The following RNF38 variants were observed in gnomAD, a reference collection of about 807,000 sequenced individuals.
RNF38 encodes the protein E3 ubiquitin-protein ligase RNF38.
Under a neutral mutation model 67.2 loss-of-function variants are expected in RNF38, and 15 were observed. That is an observed-to-expected ratio of 0.22 (90% confidence interval 0.15 to 0.34). The LOEUF is 0.34. RNF38 is among the 10% of genes least tolerant of loss of function. The pLI, the probability that RNF38 is intolerant of heterozygous loss-of-function variation, is 1.00. For synonymous variants in RNF38, 220 were observed against 218.8 expected (o/e 1.01, Z -0.05); for missense variants, 524 against 639.9 (o/e 0.82, Z 1.95).
At chr9:36,346,304 C>T (rs1336834643) in intron 9 of RNF38, among the ~76,000 whole-genome samples, 1 of 152,146 alleles carries the variant, frequency 6.6e-6, no homozygotes, top group Non-Finnish European at 1.5e-5. Flanking sequence ...CTCCCAGGTT[C>T]AGGCGATTCT....
At chr9:36,422,868 T>G (rs1479760610) in intron 2 of RNF38, among the ~76,000 whole-genome samples, 1 of 152,104 alleles carries the variant, frequency 6.6e-6, no homozygotes, top group Non-Finnish European at 1.5e-5. Flanking sequence ...AAAAACATTT[T>G]AAGGGGTGAC....
Position 36,338,054 on chromosome 9 carries a change from G to A in RNF38, c.*1698C>T, listed in dbSNP as rs796635772. On this transcript the variant is annotated 3_prime_UTR_variant, in exon 12 of 12. Coordinates refer to ENST00000259605, the MANE Select transcript of RNF38 (RefSeq NM_022781.5). ...AAAACTGACACAGAGCCAACTGAAAGTTGAGTGGGGCTGGCAGCAAGTTAT... is the reference window on the plus strand; with the variant it reads ...AAAACTGACACAGAGCCAACTGAAAATTGAGTGGGGCTGGCAGCAAGTTAT... 8.5e-5 allele frequency: 13 copies of A among 152,790 alleles called. No individual in the cohort carries two copies. Among genetic ancestry groups the A allele is most frequent in the African/African-American group, 2.9e-4 (12 of 41,588 alleles). The allele number at this position is 152,790 out of a possible 1,614,324, so 9.5% of individuals were successfully genotyped here.
rs201816708 is a variant in RNF38, at chr9:36,431,337, A to AG, written n.242-6655dup. ...CTGCCCCTAGAGCACAAACCTGTATAGCACGTTACTGTACTGAATACTGTA... is the reference window on the plus strand; with the variant it reads ...CTGCCCCTAGAGCACAAACCTGTATAGGCACGTTACTGTACTGAATACTGTA... On this transcript the variant is annotated intron_variant and non_coding_transcript_variant, in intron 1 of 3. Transcript: ENST00000488058. Among the ~76,000 whole-genome samples the AG allele has an allele frequency of 8.3e-3, 1,259 of 152,340 alleles. 16 individuals are homozygous for AG. The highest frequency in any genetic ancestry group is 0.029 in the African/African-American group (1,203 of 41,568).
intron 4 of RNF38, among the ~76,000 whole-genome samples, chr9:36,368,503 T>C (rs1835138462): frequency 6.6e-6 from 1 of 152,212 alleles, no homozygotes; most frequent in South Asian, 2.1e-4. Flanking sequence ...CTTTACAAAA[T>C]GGGACTTTGT....
intron 1 of RNF38, among the ~76,000 whole-genome samples, chr9:36,457,690 T>C (rs1363370703): frequency 6.6e-6 from 1 of 152,038 alleles, no homozygotes; most frequent in African/African-American, 2.4e-5. Context: ...GGTGGATCAC[T>C]TGAGGTCGGG....
chr9:36,482,645 G>A (rs1445953847), intron 1 of RNF38, among the ~76,000 whole-genome samples: 7 of 152,148 alleles, frequency 4.6e-5, no homozygotes, highest in Admixed American at 2.6e-4. Context: ...GAGCCACTGC[G>A]CCAGGCTGAC....
At chr9:36,432,110 C>T (rs555842750) in intron 1 of RNF38, among the ~76,000 whole-genome samples, 1 of 151,750 alleles carries the variant, frequency 6.6e-6, no homozygotes, top group Non-Finnish European at 1.5e-5. Flanking sequence ...TCTCCCATGG[C>T]TTAATATTAA....
intron 2 of RNF38, among the ~76,000 whole-genome samples, chr9:36,382,534 A>G (rs1318530058): frequency 2.0e-5 from 3 of 152,254 alleles, no homozygotes; most frequent in Non-Finnish European, 4.4e-5. Flanking sequence ...TATGTAATAT[A>G]TATCTTGGGT....
Position 36,346,104 on chromosome 9 carries a change from T to C in RNF38, c.1264-1151A>G, listed in dbSNP as rs142410746. Reference sequence around the variant, plus strand: ...TCATATTAAACAATACTCAGAATAATTTAGGTAGAATAGGATAAATGAGAC... The same window carrying C: ...TCATATTAAACAATACTCAGAATAACTTAGGTAGAATAGGATAAATGAGAC... On this transcript the variant is annotated intron_variant, in intron 9 of 11. Coordinates refer to ENST00000259605, the MANE Select transcript of RNF38 (RefSeq NM_022781.5). Among the ~76,000 whole-genome samples, 421 of 152,316 alleles carry C rather than the reference T, an allele frequency of 2.8e-3. 2 individuals carry two copies. The highest frequency in any genetic ancestry group is 8.8e-3 in the African/African-American group (367 of 41,558).
chr9:36,401,340 G>T, upstream of RNF38: 1 of 450,552 alleles, frequency 2.2e-6, no homozygotes, highest in Non-Finnish European at 2.9e-6. Context: ...GCAGGGCCCT[G>T]TTCCAATTCC....
At chr9:36,342,296 C>T (rs767715910) in intron 11 of RNF38, 29 bp downstream of exon 11, 2 of 1,457,690 alleles carry the variant, frequency 1.4e-6, no homozygotes, top group Non-Finnish European at 1.9e-6. Context: ...AATTCAATGT[C>T]ATTTCCTTTA....
chr9:36,486,364 C>T (rs1240804142), intron 1 of RNF38, among the ~76,000 whole-genome samples: 1 of 152,142 alleles, frequency 6.6e-6, no homozygotes. Context: ...CTTCCTTCCC[C>T]CTTCAAGCCT....
intron 3 of RNF38, among the ~76,000 whole-genome samples, chr9:36,371,924 TTTTTC>T (rs1458779563): frequency 2.6e-5 from 4 of 151,164 alleles, no homozygotes; most frequent in Admixed American, 1.3e-4. Context: ...ATGAACTCAC[TTTTTC>T]TTTTCTTTTT....
intron 1 of RNF38, among the ~76,000 whole-genome samples, chr9:36,478,780 G>GCAC (rs1414300598): frequency 6.8e-6 from 1 of 146,372 alleles, no homozygotes; most frequent in East Asian, 2.0e-4. Flanking sequence ...TGGCGCCACT[G>GCAC]CACTCCAGCC....
In RNF38 at chr9:36,369,263, G is replaced by A. The variant is rs539870657; in HGVS notation, c.570+456C>T. Reference sequence around the variant, plus strand: ...ATCCTTTTTTTTAATTTTTTGAGACGAAGTCTCGTTCTGCCACCCAGTGCA... The same window carrying A: ...ATCCTTTTTTTTAATTTTTTGAGACAAAGTCTCGTTCTGCCACCCAGTGCA... On this transcript the variant is annotated intron_variant, in intron 4 of 11. Transcript: ENST00000259605. Among the ~76,000 whole-genome samples, 36 of 151,906 alleles carry A rather than the reference G, an allele frequency of 2.4e-4. No individual in the cohort carries two copies. The South Asian group carries it at 5.8e-3, about 25-fold the overall frequency.
At chr9:36,346,265 G>T (rs1402304103) in intron 9 of RNF38, among the ~76,000 whole-genome samples, 1 of 152,096 alleles carries the variant, frequency 6.6e-6, no homozygotes, top group East Asian at 1.9e-4. Context: ...AAGTGCAATG[G>T]CATGATCTTG....
intron 1 of RNF38, among the ~76,000 whole-genome samples, chr9:36,457,493 A>G (rs1177679988): frequency 6.6e-6 from 1 of 152,234 alleles, no homozygotes; most frequent in Non-Finnish European, 1.5e-5. Flanking sequence ...ACAGACATTA[A>G]TATTTACTTA....
At position 36,469,323 on chromosome 9, in the gene RNF38, T is replaced by C. The variant is rs1839940647; in HGVS notation, n.241+17985A>G. 3.4e-5 allele frequency among the ~76,000 whole-genome samples: 3 copies of C among 87,334 alleles called. No individual in the cohort carries two copies. The South Asian group carries it at 1.1e-3, about 33-fold the overall frequency. 57.3% of individuals were successfully genotyped at this position (87,334 alleles called of 152,430 possible). ...TGAATGGTATTACTCTACTACTTTG[T>C]TCAATCTTTTTTTTCCCCCACTATT... On this transcript the variant is annotated intron_variant and non_coding_transcript_variant, in intron 1 of 3. Transcript: ENST00000488058.
intron 1 of RNF38, among the ~76,000 whole-genome samples, chr9:36,471,472 C>T (rs17478582): frequency 0.12 from 18,501 of 152,098 alleles, 1,557 homozygotes; most frequent in Non-Finnish European, 0.18. Flanking sequence ...AGTTTGATTT[C>T]GACTCCCACC....
Sources: gnomAD v4.1 joint callset for allele counts (sites outside exome capture counted in the v4.1 genomes callset) on GRCh38, gnomAD v4.1.1 for gene constraint, MANE v1.5 for transcripts, NCBI Gene and HGNC (gene_info 2026-07-23, HGNC 2026-07-21) for gene names.